ABI3BP: variants seen among roughly 807,000 people sequenced by gnomAD.
ABI3BP encodes the protein target of Nesh-SH3.
ABI3BP carries 216 observed loss-of-function variants against 268.6 expected under a neutral mutation model. The observed-to-expected ratio is 0.80, with a 90% confidence interval of 0.72 to 0.90. The LOEUF (loss-of-function observed/expected upper bound fraction) is 0.90, where lower values mean the gene tolerates loss of function less well. Among genes scored for constraint, ABI3BP ranks in the 40% least tolerant of loss-of-function variants. The probability of loss-of-function intolerance (pLI) is 0.00; values close to 1 mark genes in which losing one functional copy is unlikely to be tolerated. For missense variants in ABI3BP, 2,090 were observed against 2,182.4 expected (o/e 0.96, Z 0.84); for synonymous variants, 730 against 730.0 (o/e 1.00, Z 0.00).
chr3:100,921,126 T>C (rs1367181425), intron 2 of ABI3BP, among the ~76,000 whole-genome samples: 1 of 152,020 alleles, frequency 6.6e-6, no homozygotes. Flanking sequence ...GAGAAATGAG[T>C]GTGAGGGTTA....
intron 2 of ABI3BP, among the ~76,000 whole-genome samples, chr3:100,907,072 T>A (rs1399243567): frequency 6.6e-6 from 1 of 152,230 alleles, no homozygotes; most frequent in East Asian, 1.9e-4. Context: ...GCACAGACTC[T>A]GGAAACAGAT....
intron 36 of ABI3BP, 90 bp from the exon 37 acceptor site, chr3:100,823,604 A>G: frequency 1.1e-6 from 1 of 944,934 alleles, no homozygotes; most frequent in Non-Finnish European, 1.5e-6. Flanking sequence ...TGGTATGTCA[A>G]TTCTTCCAGA....
At chr3:100,980,158 G>A (rs898180887) in intron 1 of ABI3BP, among the ~76,000 whole-genome samples, 1 of 152,180 alleles carries the variant, frequency 6.6e-6, no homozygotes, top group Non-Finnish European at 1.5e-5. Flanking sequence ...CCATACTACT[G>A]CCAATATGTT....
Position 100,970,768 on chromosome 3 carries a change from G to A in ABI3BP, c.79+22538C>T, listed in dbSNP as rs192817096. Among the ~76,000 whole-genome samples, 117 of 152,268 alleles carry A rather than the reference G, an allele frequency of 7.7e-4. 1 individual carries two copies. The highest frequency in any genetic ancestry group is 2.6e-3 in the African/African-American group (108 of 41,560). ...GTTTTCTTCTGTCTTTGCAGCACCT[G>A]TTCTCCCTCTCCTTACAAGTGAGGG... On this transcript the variant is annotated intron_variant, in intron 1 of 67. Coordinates refer to ENST00000471714, the MANE Select transcript of ABI3BP (RefSeq NM_001375547.2).
At chr3:100,754,004 T>C (rs905604) in intron 64 of ABI3BP, among the ~76,000 whole-genome samples, 156 bp from the exon 65 acceptor site, 11,219 of 152,318 alleles carry the variant, frequency 0.074, 499 homozygotes, top group Non-Finnish European at 0.098. Context: ...TTTGCTTTGT[T>C]TTGGAAATTG....
chr3:100,825,390 A>T (rs910441294), intron 35 of ABI3BP, among the ~76,000 whole-genome samples: 4 of 148,886 alleles, frequency 2.7e-5, no homozygotes, highest in African/African-American at 2.6e-5. Flanking sequence ...TTTTTTTTTT[A>T]AATCTAGAAA....
rs1257735673 is a variant in ABI3BP at position 100,875,035 on chromosome 3, T to G, written c.818-102A>C. ...TATTACAAACTATGAAGCATAGCACTTATTTTGCTTAGTAAATTTTAACCC... is the reference window on the plus strand; with the variant it reads ...TATTACAAACTATGAAGCATAGCACGTATTTTGCTTAGTAAATTTTAACCC... On this transcript the variant is annotated intron_variant, in intron 8 of 67. Transcript: ENST00000471714. 1.0e-5 allele frequency: 6 copies of G among 580,430 alleles called. No individual in the cohort carries two copies. In the African/African-American group the frequency reaches 1.1e-4, roughly 11 times the overall value. 36.0% of individuals were successfully genotyped at this position (580,430 alleles called of 1,614,324 possible).
chr3:100,779,718 T>C (rs534072594), intron 58 of ABI3BP, among the ~76,000 whole-genome samples: 1 of 152,112 alleles, frequency 6.6e-6, no homozygotes, highest in Admixed American at 6.5e-5. Context: ...ATTCATACTT[T>C]TGGCCTATTA....
chr3:100,753,293 G>A (rs1054339910), intron 65 of ABI3BP, among the ~76,000 whole-genome samples: 1 of 151,666 alleles, frequency 6.6e-6, no homozygotes, highest in African/African-American at 2.4e-5. Flanking sequence ...TGGAAATGAG[G>A]GTGTTAATAT....
intron 9 of ABI3BP, among the ~76,000 whole-genome samples, chr3:100,874,503 C>T (rs2099141025): frequency 6.6e-6 from 1 of 152,112 alleles, no homozygotes; most frequent in South Asian, 2.1e-4. Flanking sequence ...CATCAATTCT[C>T]ATTGCAAATA....
chr3:100,949,696 T>C (rs895326908), intron 1 of ABI3BP, among the ~76,000 whole-genome samples: 6 of 152,210 alleles, frequency 3.9e-5, no homozygotes, highest in African/African-American at 1.4e-4. Context: ...GACAATTAGA[T>C]AAGCTCATTG....
intron 35 of ABI3BP, among the ~76,000 whole-genome samples, 193 bp from the exon 36 acceptor site, chr3:100,825,134 A>C (rs984242936): frequency 6.6e-6 from 1 of 152,168 alleles, no homozygotes; most frequent in Non-Finnish European, 1.5e-5. Flanking sequence ...TCATGTATAC[A>C]GTCGAGTTGC....
intron 2 of ABI3BP, among the ~76,000 whole-genome samples, chr3:100,908,312 T>C (rs1466410869): frequency 6.6e-6 from 1 of 152,070 alleles, no homozygotes; most frequent in Admixed American, 6.6e-5. Context: ...GCACCAACAA[T>C]GATACTGGGT....
At chr3:100,787,202 A>G (rs2097076790) in intron 57 of ABI3BP, among the ~76,000 whole-genome samples, 1 of 152,242 alleles carries the variant, frequency 6.6e-6, no homozygotes, top group South Asian at 2.1e-4. Flanking sequence ...GATTAGAGCT[A>G]TGTTATTTAA....
Position 100,898,893 on chromosome 3 carries a change from A to G in ABI3BP, c.330T>C (p.Gly110=), listed in dbSNP as rs760662998. ...GCAGAGGTTTGCGAGAACGAGTTTT[A>G]CCTGTGGAGGTGGCATAGAGGTTAA... ...PPPSQKKSCS[G]KTRSRKPLQL... The change falls in exon 4 of 68, where the codon GGT becomes GGC. Residue 110 remains glycine (G), a splice_region_variant and synonymous_variant. Coordinates refer to ENST00000471714, the MANE Select transcript of ABI3BP (RefSeq NM_001375547.2). The G allele has an allele frequency of 1.2e-6, 2 of 1,609,398 alleles. No homozygotes were observed. Among genetic ancestry groups the G allele is most frequent in the Non-Finnish European group, 1.7e-6 (2 of 1,178,196 alleles).
intron 13 of ABI3BP, 193 bp downstream of exon 13, chr3:100,862,645 A>G: frequency 1.7e-6 from 1 of 597,314 alleles, no homozygotes; most frequent in Non-Finnish European, 2.9e-6. Flanking sequence ...ATTATGTGGA[A>G]TTAAGACTGA....
chr3:100,850,094 A>C lies in ABI3BP; in HGVS notation c.1452T>G (p.Pro484=), dbSNP rs762771872. ...GACTGGTAAAGATTTCCAGTTTTTG[A>C]GGAACAAATGGTGTTTCACTTGGAG... ...TLAPSETPFV[P]QKLEIFTSPE... Residue 484 remains proline (P), a synonymous_variant, in exon 17 of 68, where the codon CCT becomes CCG. Coordinates refer to ENST00000471714, the MANE Select transcript of ABI3BP (RefSeq NM_001375547.2). 1.2e-6 allele frequency: 2 copies of C among 1,610,446 alleles called. No homozygotes were observed. The highest frequency in any genetic ancestry group is 1.7e-5 in the Admixed American group (1 of 59,658).
chr3:100,846,474 A>C lies in ABI3BP; in HGVS notation c.1649-28T>G, dbSNP rs116335588. 2.1e-3 allele frequency: 3,120 copies of C among 1,511,368 alleles called. 47 individuals carry two copies. The African/African-American group carries it at 0.038, about 18-fold the overall frequency. The allele number at this position is 1,511,368 out of a possible 1,614,324, so 93.6% of individuals were successfully genotyped here. On this transcript the variant is annotated intron_variant, in intron 19 of 67. Coordinates refer to ENST00000471714, the MANE Select transcript of ABI3BP (RefSeq NM_001375547.2). Reference sequence around the variant, plus strand: ...GGAAAAATAAAGAAACAAAATAATAAACAAATCAATATTTAGGCATTTCAG... The same window carrying C: ...GGAAAAATAAAGAAACAAAATAATACACAAATCAATATTTAGGCATTTCAG...
At position 100,924,871 on chromosome 3, in the gene ABI3BP, C is replaced by G. The variant is rs150720116; in HGVS notation, c.259+1431G>C. 1.7e-3 allele frequency among the ~76,000 whole-genome samples: 261 copies of G among 152,100 alleles called. 1 individual carries two copies. Among genetic ancestry groups the G allele is most frequent in the African/African-American group, 5.9e-3 (243 of 41,516 alleles). On this transcript the variant is annotated intron_variant, in intron 2 of 67. Coordinates refer to ENST00000471714, the MANE Select transcript of ABI3BP (RefSeq NM_001375547.2). ...AATTTCAATTTATATAACAAAAAAACTATCATAATAAAATATTACTCCTAA... is the reference window on the plus strand; with the variant it reads ...AATTTCAATTTATATAACAAAAAAAGTATCATAATAAAATATTACTCCTAA...
Sources: gnomAD v4.1 joint callset for allele counts (sites outside exome capture counted in the v4.1 genomes callset) on GRCh38, gnomAD v4.1.1 for gene constraint, MANE v1.5 for transcripts, NCBI Gene and HGNC (gene_info 2026-07-23, HGNC 2026-07-21) for gene names.